The following FARS2 variants were observed in gnomAD, a reference collection of about 807,000 sequenced individuals.
FARS2 encodes the protein phenylalanine--tRNA ligase, mitochondrial.
In FARS2, 40 loss-of-function variants were observed where a neutral mutation model predicts 46.4. The ratio of observed to expected loss-of-function variants is 0.86; its 90% CI spans 0.67 to 1.12. FARS2 has a LOEUF of 1.12. Ranked by LOEUF, FARS2 falls within the 50% of genes most tolerant of loss-of-function variation. The pLI is 0.00. For synonymous variants in FARS2, 234 were observed against 214.9 expected (o/e 1.09, Z -0.78); for missense variants, 513 against 567.9 (o/e 0.90, Z 0.98).
intron 6 of FARS2, among the ~76,000 whole-genome samples, chr6:5,751,402 TG>T (rs1761939720): frequency 6.6e-6 from 1 of 152,330 alleles, no homozygotes; most frequent in Non-Finnish European, 1.5e-5. Context: ...ACCATTTTCC[TG>T]TTGGGCAAAA....
At chr6:5,600,405 G>T (rs1774443570) in intron 5 of FARS2, among the ~76,000 whole-genome samples, 1 of 152,148 alleles carries the variant, frequency 6.6e-6, no homozygotes, top group Non-Finnish European at 1.5e-5. Context: ...TATGCTCCTG[G>T]TACTCAGTGA....
intron 6 of FARS2, among the ~76,000 whole-genome samples, chr6:5,751,986 T>G (rs762685128): frequency 1.4e-4 from 22 of 152,178 alleles, no homozygotes; most frequent in Non-Finnish European, 2.6e-4. Context: ...TGGGGTGTCC[T>G]GGGATGCGTC....
intron 2 of FARS2, among the ~76,000 whole-genome samples, chr6:5,390,273 G>T (rs1275965000): frequency 6.6e-6 from 1 of 152,164 alleles, no homozygotes; most frequent in Non-Finnish European, 1.5e-5. Flanking sequence ...CCAAGCCCAT[G>T]CTTGGCCCCA....
intron 5 of FARS2, among the ~76,000 whole-genome samples, chr6:5,555,383 T>TA (rs746960256): frequency 2.0e-5 from 3 of 152,172 alleles, no homozygotes; most frequent in Non-Finnish European, 2.9e-5. Context: ...ATTTCACTGA[T>TA]ACTGACCGAT....
At chr6:5,456,734 A>AAAAAAAAAG in intron 4 of FARS2, among the ~76,000 whole-genome samples, 1 of 150,104 alleles carries the variant, frequency 6.7e-6, no homozygotes, top group South Asian at 2.1e-4. Context: ...CCATCTCAAA[A>AAAAAAAAAG]AAAAAAAAAA....
intron 6 of FARS2, among the ~76,000 whole-genome samples, chr6:5,656,255 C>T (rs1449419087): frequency 6.6e-6 from 1 of 152,210 alleles, no homozygotes; most frequent in Non-Finnish European, 1.5e-5. Flanking sequence ...CTGTCACTGG[C>T]TTTGCTGTGG....
intron 4 of FARS2, among the ~76,000 whole-genome samples, chr6:5,542,994 C>T (rs1770725691): frequency 6.6e-6 from 1 of 151,832 alleles, no homozygotes; most frequent in Admixed American, 6.6e-5. Flanking sequence ...TTTTGTGTTC[C>T]AGAATATGGT....
At chr6:5,709,173 G>A (rs563921474) in intron 6 of FARS2, among the ~76,000 whole-genome samples, 120 of 152,288 alleles carry the variant, frequency 7.9e-4, no homozygotes, top group Non-Finnish European at 1.3e-3. Context: ...CTTTGGGTGG[G>A]CCAGAAGGTG....
chr6:5,604,965 A>G (rs1774745483), intron 5 of FARS2, among the ~76,000 whole-genome samples: 1 of 152,194 alleles, frequency 6.6e-6, no homozygotes, highest in African/African-American at 2.4e-5. Flanking sequence ...TGGAACAAGA[A>G]TTTGAATCTG....
At chr6:5,539,874 C>G (rs1416094024) in intron 4 of FARS2, among the ~76,000 whole-genome samples, 1 of 152,170 alleles carries the variant, frequency 6.6e-6, no homozygotes, top group Non-Finnish European at 1.5e-5. Flanking sequence ...TCGCCGTGTT[C>G]TGCAGATGTG....
At chr6:5,386,928 A>G (rs765414693) in intron 2 of FARS2, among the ~76,000 whole-genome samples, 3 of 152,188 alleles carry the variant, frequency 2.0e-5, no homozygotes, top group Admixed American at 1.3e-4. Flanking sequence ...TGGAGCTATC[A>G]GTTTAGCTGC....
chr6:5,762,613 T>C (rs1260761443), intron 6 of FARS2, among the ~76,000 whole-genome samples: 1 of 152,228 alleles, frequency 6.6e-6, no homozygotes, highest in African/African-American at 2.4e-5. Context: ...AAAGCATTTC[T>C]TGCCTGCAAA....
chr6:5,311,223 A>C lies in FARS2; in HGVS notation c.-22+49563A>C, dbSNP rs1466351358. ...TTCCAGTGCATTTTGTTATTAAGTA[A>C]AAAGCAAGATGTAGTACATGACCCT... On this transcript the variant is annotated intron_variant, in intron 1 of 6. Coordinates refer to ENST00000274680, the MANE Select transcript of FARS2 (RefSeq NM_006567.5). The surrounding 1 kb of genome is among the most constrained non-coding windows in gnomAD (Gnocchi z 4.1). Among the ~76,000 whole-genome samples, 1 of 152,208 alleles carries C rather than the reference A, an allele frequency of 6.6e-6. No individual in the cohort carries two copies. The highest frequency in any genetic ancestry group is 1.5e-5 in the Non-Finnish European group (1 of 68,036).
chr6:5,397,933 G>C lies in FARS2; in HGVS notation c.613-6609G>C, dbSNP rs368337202. 1.2e-4 allele frequency among the ~76,000 whole-genome samples: 18 copies of C among 152,178 alleles called. No individual in the cohort carries two copies. The East Asian group carries it at 1.4e-3, about 11-fold the overall frequency. On this transcript the variant is annotated intron_variant, in intron 2 of 6. Transcript: ENST00000274680. ...TATTTTGTGTCATGTTTCTCAACTT[G>C]ACATGATTTTGTATTTTCTCATGGT... is the stretch of plus-strand genomic sequence containing the variant.
chr6:5,605,691 T>G (rs1278091565), intron 5 of FARS2, among the ~76,000 whole-genome samples: 1 of 151,732 alleles, frequency 6.6e-6, no homozygotes, highest in Non-Finnish European at 1.5e-5. Context: ...GCCATCCAAA[T>G]CAGCAATCAG....
intron 1 of FARS2, among the ~76,000 whole-genome samples, chr6:5,290,452 T>G (rs927307738): frequency 1.2e-4 from 18 of 152,318 alleles, no homozygotes; most frequent in Admixed American, 1.2e-3. Flanking sequence ...ATTGACAACT[T>G]AAAATGCACA....
chr6:5,561,275 TG>T lies in FARS2; in HGVS notation c.1065+15936del, dbSNP rs551213927. 2.5e-4 allele frequency among the ~76,000 whole-genome samples: 38 copies of T among 152,164 alleles called. No homozygotes were observed. The South Asian group carries it at 6.4e-3, about 26-fold the overall frequency. The stretch of plus-strand genomic sequence containing the variant: ...ATATTTTATCAAATTTTACACACAC[TG>T]TTTTTTTTGGCATATCAAACCTCTT... On this transcript the variant is annotated intron_variant, in intron 5 of 6. Transcript: ENST00000274680.
intron 6 of FARS2, among the ~76,000 whole-genome samples, chr6:5,700,793 A>G (rs1452678891): frequency 6.6e-6 from 1 of 151,950 alleles, no homozygotes; most frequent in Non-Finnish European, 1.5e-5. Flanking sequence ...CCTCTTTATT[A>G]CCTTTCCTAA....
chr6:5,253,514 CTTAT>C, the FARS2 span, among the ~76,000 whole-genome samples: 1 of 151,630 alleles, frequency 6.6e-6, no homozygotes, highest in African/African-American at 2.4e-5. Context: ...CAGCAATTTT[CTTAT>C]TTGAGCTCAA....
Sources: gnomAD v4.1 joint callset for allele counts (sites outside exome capture counted in the v4.1 genomes callset) on GRCh38, gnomAD v4.1.1 for gene constraint, Gnocchi (gnomAD v3.1) non-coding constraint, MANE v1.5 for transcripts, NCBI Gene and HGNC (gene_info 2026-07-23, HGNC 2026-07-21) for gene names.